The following EXOC4 variants were observed in gnomAD, a reference collection of about 807,000 sequenced individuals.
EXOC4 encodes the protein SEC8-like 1.
A neutral mutation model predicts 107.2 loss-of-function variants in EXOC4; 71 were observed. That is an observed-to-expected ratio of 0.66 (90% CI 0.55 to 0.81). EXOC4 has a LOEUF of 0.81. Ranked by LOEUF, EXOC4 falls within the 30% of genes least tolerant of loss-of-function variation. The pLI is 0.00. For missense variants in EXOC4, 1,108 were observed against 1,189.6 expected, an observed-to-expected ratio of 0.93 and a Z score of 1.01; for synonymous variants, 456 against 441.2, an observed-to-expected ratio of 1.03 and a Z score of -0.42.
chr7:133,446,570 C>T (rs904835825), intron 7 of EXOC4, among the ~76,000 whole-genome samples: 10 of 152,186 alleles, frequency 6.6e-5, no homozygotes, highest in Non-Finnish European at 1.2e-4. Context: ...TCACTATTAC[C>T]CGTCCTTGAT....
chr7:133,932,615 A>C (rs778952112), intron 13 of EXOC4, among the ~76,000 whole-genome samples: 5 of 152,246 alleles, frequency 3.3e-5, no homozygotes, highest in Admixed American at 6.5e-5. Flanking sequence ...TAGGCCACAG[A>C]CATAATGGCC....
intron 9 of EXOC4, among the ~76,000 whole-genome samples, chr7:133,589,961 C>T (rs760894106): frequency 1.3e-5 from 2 of 152,012 alleles, no homozygotes; most frequent in Admixed American, 6.6e-5. Flanking sequence ...ATTAGGCATG[C>T]GAACACATTT....
chr7:133,482,336 C>T (rs1007283774), intron 9 of EXOC4, among the ~76,000 whole-genome samples: 3 of 152,144 alleles, frequency 2.0e-5, no homozygotes, highest in Non-Finnish European at 4.4e-5. Flanking sequence ...TTTGACCCTT[C>T]TAGTGAACAG....
At chr7:133,801,413 G>C (rs1187273390) in intron 10 of EXOC4, among the ~76,000 whole-genome samples, 2 of 152,048 alleles carry the variant, frequency 1.3e-5, no homozygotes, top group Admixed American at 1.3e-4. Flanking sequence ...ACTAAATGAG[G>C]CTCTTCTTCA....
intron 14 of EXOC4, among the ~76,000 whole-genome samples, chr7:133,978,906 G>A (rs892091368): frequency 2.0e-5 from 3 of 152,192 alleles, no homozygotes; most frequent in Non-Finnish European, 4.4e-5. Context: ...ATGTTCCTAT[G>A]CTTCCAGGAA....
chr7:133,480,241 C>T (rs1291093391), intron 9 of EXOC4, 103 bp downstream of exon 9: 2 of 1,542,740 alleles, frequency 1.3e-6, no homozygotes, highest in East Asian at 4.8e-5. Flanking sequence ...TTCAAGGTAA[C>T]AAACACTTAG....
intron 10 of EXOC4, among the ~76,000 whole-genome samples, chr7:133,666,434 C>T (rs972031977): frequency 6.6e-6 from 1 of 152,038 alleles, no homozygotes; most frequent in Non-Finnish European, 1.5e-5. Flanking sequence ...AGGTGGTGGA[C>T]ATTTTGTAGA....
chr7:133,768,110 G>C (rs1796174770), intron 10 of EXOC4: 1 of 151,874 alleles, frequency 6.6e-6, no homozygotes, highest in African/African-American at 2.4e-5. Flanking sequence ...AAAAACCTCT[G>C]CAAGACTATC....
chr7:133,800,030 TCC>T, intron 10 of EXOC4, among the ~76,000 whole-genome samples: 1 of 149,528 alleles, frequency 6.7e-6, no homozygotes, highest in African/African-American at 2.5e-5. Flanking sequence ...CATCCATCCA[TCC>T]ATCCATCCAC....
At chr7:133,414,753 T>A (rs1368494237) in intron 7 of EXOC4, among the ~76,000 whole-genome samples, 2 of 152,170 alleles carry the variant, frequency 1.3e-5, no homozygotes, top group African/African-American at 4.8e-5. Flanking sequence ...GTATTATAGA[T>A]AAACCTTTTT....
At chr7:134,060,151 A>G (rs1245621689) in intron 17 of EXOC4, among the ~76,000 whole-genome samples, 2 of 152,328 alleles carry the variant, frequency 1.3e-5, no homozygotes, top group South Asian at 2.1e-4. Context: ...ACATGAGACC[A>G]GTCTGTGAAG....
At chr7:133,297,918 CCAT>C (rs1371333362) in intron 3 of EXOC4, among the ~76,000 whole-genome samples, 7 of 152,184 alleles carry the variant, frequency 4.6e-5, no homozygotes, top group Non-Finnish European at 1.0e-4. Flanking sequence ...CTGCCATCCT[CCAT>C]CATATTTCTG....
chr7:133,975,100 G>A (rs1371188004), intron 14 of EXOC4, among the ~76,000 whole-genome samples: 7 of 151,914 alleles, frequency 4.6e-5, no homozygotes, highest in Non-Finnish European at 2.9e-5. Flanking sequence ...TATAAGTACA[G>A]TGTGGGAAAT....
chr7:133,855,165 A>AT (rs374810348), intron 11 of EXOC4, among the ~76,000 whole-genome samples: 1,800 of 136,610 alleles, frequency 0.013, 70 homozygotes, highest in African/African-American at 0.049. Flanking sequence ...AAATATATAT[A>AT]TTTTTTTTAT....
intron 4 of EXOC4, among the ~76,000 whole-genome samples, chr7:133,309,162 G>T (rs1262326534): frequency 1.3e-5 from 2 of 152,126 alleles, no homozygotes; most frequent in Non-Finnish European, 2.9e-5. Flanking sequence ...TTCTTTTCTA[G>T]CCCTGGGTGG....
intron 9 of EXOC4, among the ~76,000 whole-genome samples, chr7:133,502,083 T>G (rs533640599): frequency 2.0e-5 from 3 of 152,244 alleles, no homozygotes; most frequent in East Asian, 3.9e-4. Flanking sequence ...ATTTCCAGCT[T>G]TTTGATTCTC....
In EXOC4 at chr7:134,007,793, C is replaced by G; in HGVS notation, c.2645C>G (p.Thr882Ser). The G allele has an allele frequency of 6.2e-7, 1 of 1,613,568 alleles. No individual in the cohort carries two copies. Among genetic ancestry groups the G allele is most frequent in the African/African-American group, 1.3e-5 (1 of 74,982 alleles). ...RNIFVLQQNL[T>S]NITMSREADL... Reference sequence around the variant, plus strand: ...ATTTTTGTTCTTCAGCAGAATTTGACCAACATCACCATGTCGCGGGAGGCA... The same window carrying G: ...ATTTTTGTTCTTCAGCAGAATTTGAGCAACATCACCATGTCGCGGGAGGCA... The change falls in exon 17 of 18, where the codon ACC becomes AGC. Residue 882 changes from threonine (T) to serine (S), a missense_variant. Physicochemically the swap from Thr to Ser is moderately conservative, Grantham distance 58. Transcript: ENST00000253861.
At chr7:133,731,061 A>G (rs1795315656) in intron 10 of EXOC4, among the ~76,000 whole-genome samples, 1 of 152,292 alleles carries the variant, frequency 6.6e-6, no homozygotes, top group Non-Finnish European at 1.5e-5. Context: ...AATAAGCAGC[A>G]TATTTCACAG....
intron 10 of EXOC4, among the ~76,000 whole-genome samples, chr7:133,745,729 T>C (rs11768260): frequency 0.33 from 45,481 of 138,182 alleles, 7,943 homozygotes; most frequent in East Asian, 0.5. Flanking sequence ...TTTTTTTTTT[T>C]CCTGTTTGGG....
Sources: gnomAD v4.1 joint callset for allele counts (sites outside exome capture counted in the v4.1 genomes callset) on GRCh38, gnomAD v4.1.1 for gene constraint, MANE v1.5 for transcripts, NCBI Gene and HGNC (gene_info 2026-07-23, HGNC 2026-07-21) for gene names.